Variants in XPO6 observed in about 807,000 individuals in gnomAD.
XPO6 encodes exportin 6, also known as exportin-6.
XPO6 carries 3 observed loss-of-function variants against 130.0 expected under a neutral mutation model. That is an observed-to-expected ratio of 0.02 (90% CI 0.01 to 0.06). XPO6 has a LOEUF of 0.06. Among genes scored for constraint, XPO6 ranks in the 10% least tolerant of loss-of-function variants. The pLI, the probability that XPO6 is intolerant of heterozygous loss-of-function variation, is 1.00. For synonymous variants in XPO6, 524 were observed against 548.9 expected (o/e 0.95, Z 0.63); for missense variants, 970 against 1,393.0 (o/e 0.70, Z 4.83).
chr16:28,141,820 C>A (rs945616465), intron 9 of XPO6, among the ~76,000 whole-genome samples: 3 of 152,140 alleles, frequency 2.0e-5, no homozygotes, highest in African/African-American at 2.4e-5. Flanking sequence ...ATTAGCCGGG[C>A]GTGGTGGCGG....
intron 1 of XPO6, among the ~76,000 whole-genome samples, chr16:28,194,223 T>C (rs1264256786): frequency 6.6e-6 from 1 of 151,860 alleles, no homozygotes; most frequent in Non-Finnish European, 1.5e-5. Context: ...GGTGAGTCAA[T>C]GAGCTTAAAA....
intron 12 of XPO6, among the ~76,000 whole-genome samples, chr16:28,127,835 G>T (rs527835526): frequency 6.6e-6 from 1 of 152,354 alleles, no homozygotes; most frequent in South Asian, 2.1e-4. Flanking sequence ...GAGAGGGCCA[G>T]TGACAAAGGC....
intron 13 of XPO6, 61 bp downstream of exon 13, chr16:28,125,628 A>C: frequency 6.4e-7 from 1 of 1,564,484 alleles, no homozygotes; most frequent in Non-Finnish European, 8.7e-7. Flanking sequence ...TGCCCCTCAC[A>C]CAAGAAGGTA....
intron 9 of XPO6, among the ~76,000 whole-genome samples, chr16:28,142,859 A>G (rs1412103740): frequency 2.0e-5 from 3 of 151,958 alleles, no homozygotes; most frequent in African/African-American, 7.3e-5. Flanking sequence ...CGTGCACACT[A>G]CCATGTCTGG....
In XPO6 at chr16:28,146,203, G is replaced by C. The variant is rs1305337312; in HGVS notation, c.1225C>G (p.Pro409Ala). 6.2e-7 allele frequency: 1 copy of C among 1,607,118 alleles called. No individual in the cohort carries two copies. Among genetic ancestry groups the C allele is most frequent in the Non-Finnish European group, 8.5e-7 (1 of 1,174,052 alleles). ...CAAGAGAAGTAACCTTCATGAGTAG[G>C]CTATGGTACAAAAAAAATCCAGACA... is the stretch of plus-strand genomic sequence containing the variant. ...TLLFKYTFHQ[P>A]THEGYFSCLD... The change falls in exon 9 of 24, where the codon CCT becomes GCT. Residue 409 changes from proline to alanine, a missense_variant and splice_region_variant. Pro to Ala is a conservative substitution (Grantham distance 27). This residue lies in a region of XPO6 where 936 missense variants were observed against 1,306.8 expected (regional missense o/e 0.72). Coordinates refer to ENST00000304658, the MANE Select transcript of XPO6 (RefSeq NM_015171.4).
intron 2 of XPO6, among the ~76,000 whole-genome samples, chr16:28,180,359 G>A (rs1019302465): frequency 1.1e-4 from 16 of 152,086 alleles, no homozygotes; most frequent in African/African-American, 3.6e-4. Flanking sequence ...ATGAGACGCC[G>A]TCTCAAAAAC....
At position 28,156,199 on chromosome 16, in the gene XPO6, A is replaced by G; in HGVS notation, c.972T>C (p.Cys324=). The change falls in exon 7 of 24, where the codon TGT becomes TGC. Residue 324 remains cysteine, a synonymous_variant. Transcript: ENST00000304658. ...AATACTCCTCAAATTCCATAGGCAC[A>G]CAGTTCTTGGACATGAGTTCATTGA... ...SCINELMSKN[C]VPMEFEEYLL... 2 of 1,614,176 alleles carry G rather than the reference A, an allele frequency of 1.2e-6. No individual in the cohort carries two copies. The highest frequency in any genetic ancestry group is 1.7e-6 in the Non-Finnish European group (2 of 1,180,020).
chr16:28,142,593 CA>C (rs2042913870), intron 9 of XPO6, among the ~76,000 whole-genome samples: 1 of 152,068 alleles, frequency 6.6e-6, no homozygotes, highest in Non-Finnish European at 1.5e-5. Flanking sequence ...ATTTTAGAGA[CA>C]GAGTCTTGCT....
At chr16:28,142,019 G>T (rs1335447401) in intron 9 of XPO6, among the ~76,000 whole-genome samples, 1 of 152,226 alleles carries the variant, frequency 6.6e-6, no homozygotes, top group African/African-American at 2.4e-5. Flanking sequence ...TAAATTTGTA[G>T]CCTACAATGC....
chr16:28,159,924 G>A (rs1191867423), intron 6 of XPO6, among the ~76,000 whole-genome samples: 2 of 151,996 alleles, frequency 1.3e-5, no homozygotes, highest in Admixed American at 6.6e-5. Flanking sequence ...AGTCGCTCAC[G>A]CCTGTAATCC....
intron 15 of XPO6, among the ~76,000 whole-genome samples, chr16:28,115,250 C>A (rs559563432): frequency 6.6e-6 from 1 of 152,290 alleles, no homozygotes; most frequent in South Asian, 2.1e-4. Context: ...ACTGGAGGAA[C>A]CACCATCTAT....
chr16:28,120,224 G>A (rs1477110067), intron 14 of XPO6, among the ~76,000 whole-genome samples: 2 of 152,004 alleles, frequency 1.3e-5, no homozygotes, highest in African/African-American at 4.8e-5. Flanking sequence ...GTGCAGAGAG[G>A]GCACAAGAAA....
chr16:28,205,320 T>C (rs1180736293), intron 1 of XPO6, among the ~76,000 whole-genome samples: 2 of 152,146 alleles, frequency 1.3e-5, no homozygotes, highest in African/African-American at 4.8e-5. Flanking sequence ...CACCTATCAT[T>C]TTCTATTATC....
chr16:28,153,086 T>C, intron 7 of XPO6: 1 of 1,050,072 alleles, frequency 9.5e-7, no homozygotes, highest in Non-Finnish European at 1.1e-6. Context: ...TGAAGGGAAA[T>C]GATAAAAAGT....
chr16:28,139,958 G>A lies in XPO6; in HGVS notation c.1335-4634C>T, dbSNP rs576090097. Among the ~76,000 whole-genome samples, 7 of 152,320 alleles carry A rather than the reference G, an allele frequency of 4.6e-5. No individual in the cohort carries two copies. The East Asian group carries it at 7.7e-4, about 17-fold the overall frequency. ...TAAAGACAACATGTACAGGCTGGGC[G>A]CAGTGGCTCACGCCTGTAATCCCAG... On this transcript the variant is annotated intron_variant, in intron 9 of 23. Transcript: ENST00000304658.
At chr16:28,141,452 C>T (rs774002741) in intron 9 of XPO6, among the ~76,000 whole-genome samples, 29 of 152,150 alleles carry the variant, frequency 1.9e-4, no homozygotes, top group Non-Finnish European at 3.4e-4. Context: ...AGGCACTTTA[C>T]GCTCATTAGT....
At chr16:28,154,352 G>A in intron 7 of XPO6, 2 of 891,142 alleles carry the variant, frequency 2.2e-6, no homozygotes, top group Non-Finnish European at 2.7e-6. Context: ...ATACAAACAA[G>A]GCTGTTCAGT....
chr16:28,168,597 TTTTTC>T (rs1308563745), intron 5 of XPO6, among the ~76,000 whole-genome samples: 1 of 138,654 alleles, frequency 7.2e-6, no homozygotes, highest in South Asian at 2.1e-4. Flanking sequence ...GTTCTTTTTC[TTTTTC>T]TTTTTTTTTT....
At chr16:28,165,889 G>A (rs942205348) in intron 6 of XPO6, among the ~76,000 whole-genome samples, 3 of 152,180 alleles carry the variant, frequency 2.0e-5, no homozygotes, top group African/African-American at 7.2e-5. Flanking sequence ...ATCCTTGAAA[G>A]TAGTCATCTT....
Sources: allele counts gnomAD v4.1 joint callset (sites outside exome capture counted in the v4.1 genomes callset), GRCh38; gene constraint gnomAD v4.1.1; regional missense constraint gnomAD v4.1.1; transcripts MANE v1.5; gene names NCBI Gene and HGNC (gene_info 2026-07-23, HGNC 2026-07-21).